The following OBSL1 variants were observed in gnomAD, a reference collection of about 807,000 sequenced individuals.
OBSL1 encodes the protein obscurin-like protein 1.
A neutral mutation model predicts 172.0 loss-of-function variants in OBSL1; 160 were observed. That is an observed-to-expected ratio of 0.93 (90% CI 0.82 to 1.06). The LOEUF (loss-of-function observed/expected upper bound fraction) is 1.06. OBSL1 is among the 50% of genes least tolerant of loss of function. OBSL1 has a pLI of 0.00. For synonymous variants in OBSL1, 1,200 were observed against 1,196.3 expected (o/e 1.00, Z -0.06); for missense variants, 2,681 against 2,715.4 (o/e 0.99, Z 0.28).
At chr2:219,553,752 G>A in intron 15 of OBSL1, 66 bp from the exon 16 acceptor site, 1 of 1,130,962 alleles carries the variant, frequency 8.8e-7, no homozygotes, top group Non-Finnish European at 1.3e-6. Context: ...CAGGGACAAG[G>A]AGGACATACA....
chr2:219,563,459 C>G lies in OBSL1; in HGVS notation c.2576G>C (p.Gly859Ala). The change falls in exon 7 of 21, where the codon GGG becomes GCG. Residue 859 changes from glycine to alanine, a missense_variant. This residue lies in a region of OBSL1 where 1,765 missense variants were observed against 1,748.3 expected (regional missense o/e 1.01). Transcript: ENST00000404537. ...ESDFVVLENE[G>A]PHRRLVLPAT... ...GGGCAGCACCAGGCGGCGATGGGGC[C>G]CCTCATTCTCCAGCACCACGAAGTC... 1.2e-6 allele frequency: 2 copies of G among 1,613,898 alleles called. No homozygotes were observed. Among genetic ancestry groups the G allele is most frequent in the Admixed American group, 1.7e-5 (1 of 60,016 alleles).
In OBSL1 at chr2:219,556,006, G is replaced by A; in HGVS notation, c.4609+14C>T. 1.9e-6 allele frequency: 3 copies of A among 1,612,816 alleles called. No homozygotes were observed. In the South Asian group the frequency reaches 3.3e-5, roughly 18 times the overall value. On this transcript the variant is annotated intron_variant, in intron 14 of 20. Transcript: ENST00000404537. Reference sequence around the variant, plus strand: ...TAGGGTGGGTAATGCATTAAGAGAGGACGGGGCACTCACGCCTCACGCTGA... The same window carrying A: ...TAGGGTGGGTAATGCATTAAGAGAGAACGGGGCACTCACGCCTCACGCTGA...
rs1057518717 is a variant in OBSL1 at position 219,557,454 on chromosome 2, G to A, written c.3955C>T (p.Gln1319Ter). ...LASQGRVQLE[Q>*]AGARQVLRVQ... ...CGCAGCACCTGCCTGGCCCCGGCCT[G>A]CTCCAGCTGCACCCGCCCCTGGCTT... is the stretch of plus-strand genomic sequence containing the variant. Residue 1319 changes from glutamine to a stop codon, truncating the protein, a stop_gained, in exon 12 of 21, where the codon CAG becomes TAG. Coordinates refer to ENST00000404537, the MANE Select transcript of OBSL1 (RefSeq NM_015311.3). LOFTEE classifies it high-confidence loss of function. 1.6e-5 allele frequency: 25 copies of A among 1,548,426 alleles called. No homozygotes were observed. The highest frequency in any genetic ancestry group is 7.3e-5 in the East Asian group (3 of 40,946).
chr2:219,547,453 C>T (rs1293479688), downstream of OBSL1: 4 of 1,379,092 alleles, frequency 2.9e-6, no homozygotes, highest in Non-Finnish European at 2.8e-6. Flanking sequence ...GACCTGCTCC[C>T]TCCAGCCTGG....
chr2:219,566,889 C>T lies in OBSL1; in HGVS notation c.2075G>A (p.Gly692Asp). The change falls in exon 5 of 21, where the codon GGT becomes GAT. Residue 692 changes from glycine to aspartate, a missense_variant. Gly to Asp is a moderately conservative substitution (Grantham distance 94). Transcript: ENST00000404537. ...GGGGCAGCTGAAGCCGACCAGGGCA[C>T]CGCTGTCCTGGTGCTTGACGGCATG... ...ILHAVKHQDS[G>D]ALVGFSCPGV... 6.2e-7 allele frequency: 1 copy of T among 1,606,986 alleles called. No homozygotes were observed. Among genetic ancestry groups the T allele is most frequent in the Middle Eastern group, 1.7e-4 (1 of 6,048 alleles).
chr2:219,551,035 C>T, intron 20 of OBSL1, 193 bp from the exon 21 acceptor site: 3 of 1,443,232 alleles, frequency 2.1e-6, no homozygotes, highest in Non-Finnish European at 2.7e-6. Context: ...CAGCGCGGCA[C>T]CTGAAGGGAA....
chr2:219,549,999 T>A, downstream of OBSL1: 1 of 1,145,762 alleles, frequency 8.7e-7, no homozygotes. Context: ...GAGGATTGTC[T>A]CAGGCGAGTC....
At chr2:219,565,573 G>C (rs762802418) in intron 5 of OBSL1, 59 bp from the exon 6 acceptor site, 167 of 1,539,234 alleles carry the variant, frequency 1.1e-4, no homozygotes, top group Middle Eastern at 8.5e-4. Context: ...CTCAGTGTCG[G>C]ATGCATCAGA....
At chr2:219,547,311 CAT>C, downstream of OBSL1, 1 of 465,870 alleles carries the variant, frequency 2.1e-6, no homozygotes, top group South Asian at 7.0e-5. Context: ...CACCAACAGC[CAT>C]ATCTCTCTAA....
intron 15 of OBSL1, 146 bp from the exon 16 acceptor site, chr2:219,553,832 A>T: frequency 2.1e-5 from 4 of 190,776 alleles, no homozygotes; most frequent in Non-Finnish European, 3.9e-5. Context: ...TCCAAGAAGG[A>T]TCTGTCAGTG....
rs756723258 is a variant in OBSL1 at position 219,557,836 on chromosome 2, G to A, written c.3777C>T (p.Thr1259=). Reference sequence around the variant, plus strand: ...GGCTGTACTCACCAGCCACCTGGACGGTGAAGCTGAGGCTTGGGGCTCCGG... The same window carrying A: ...GGCTGTACTCACCAGCCACCTGGACAGTGAAGCTGAGGCTTGGGGCTCCGG... The part of the protein sequence containing the change: ...AAPGAPSLSF[T]VQVAEPPVRV... The change falls in exon 11 of 21, where the codon ACC becomes ACT. Residue 1259 remains threonine (T), a synonymous_variant. Transcript: ENST00000404537. 2.9e-5 allele frequency: 46 copies of A among 1,598,320 alleles called. No individual in the cohort carries two copies. The highest frequency in any genetic ancestry group is 3.6e-5 in the Non-Finnish European group (43 of 1,179,180).
In OBSL1 at chr2:219,559,396, G is replaced by C. The variant is rs757363203; in HGVS notation, c.3055C>G (p.Pro1019Ala). 6.2e-7 allele frequency: 1 copy of C among 1,613,864 alleles called. No homozygotes were observed. Among genetic ancestry groups the C allele is most frequent in the South Asian group, 1.1e-5 (1 of 91,072 alleles). The part of the protein sequence containing the change: ...LMCELSREDA[P>A]VRWYKDGLEV... ...AGCCCATCCTTGTACCAGCGCACAG[G>C]GGCATCCTCCCGAGACAGTTCACAC... Residue 1019 changes from proline (P) to alanine (A), a missense_variant, in exon 9 of 21, where the codon CCT becomes GCT. Coordinates refer to ENST00000404537, the MANE Select transcript of OBSL1 (RefSeq NM_015311.3).
rs1697041686 is a variant in OBSL1 at position 219,567,982 on chromosome 2, C to G, written c.1283-13G>C. 3.1e-6 allele frequency: 5 copies of G among 1,612,090 alleles called. No homozygotes were observed. In the South Asian group the frequency reaches 4.4e-5, roughly 14 times the overall value. ...TTCAGGATGGGCCCTGAGATGCGGA[C>G]AGGAATCCATCAACCTGGAATCTGA... On this transcript the variant is annotated splice_polypyrimidine_tract_variant and intron_variant, in intron 2 of 20. Transcript: ENST00000404537.
chr2:219,548,175 A>C (rs1452467196), downstream of OBSL1: 20 of 1,200,932 alleles, frequency 1.7e-5, no homozygotes, highest in Non-Finnish European at 2.3e-5. Context: ...ACAGCAGCAG[A>C]AGGCCTCGAT....
chr2:219,562,879 C>T (rs1040631372), intron 7 of OBSL1: 16 of 626,606 alleles, frequency 2.6e-5, no homozygotes, highest in African/African-American at 1.8e-4. Flanking sequence ...CTTTCTGCTG[C>T]GCAGGAGCTG....
At chr2:219,562,057 T>A (rs555493979) in intron 8 of OBSL1, 1 of 710,394 alleles carries the variant, frequency 1.4e-6, no homozygotes, top group South Asian at 1.5e-5. Context: ...GCCCCAGGAC[T>A]ACCCGTTTGC....
In OBSL1 at chr2:219,571,441, G is replaced by C. The variant is rs529852516; in HGVS notation, c.-209C>G. ...TGCGGCGGCGGCGGCGGCGATTCCC[G>C]GGCCCGAAGCCTGGCGCTCAGGGGG... On this transcript the variant is annotated 5_prime_UTR_variant, in exon 1 of 21. Coordinates refer to ENST00000404537, the MANE Select transcript of OBSL1 (RefSeq NM_015311.3). 319 of 320,406 alleles carry C rather than the reference G, an allele frequency of 1.0e-3. 3 individuals are homozygous for C. The Admixed American group carries it at 0.015, about 15-fold the overall frequency. The allele number at this position is 320,406 out of a possible 1,614,324, so 19.8% of individuals were successfully genotyped here.
At chr2:219,553,838 CAGT>C (rs748302401) in intron 15 of OBSL1, among the ~76,000 whole-genome samples, 152 bp from the exon 16 acceptor site, 84 of 110,040 alleles carry the variant, frequency 7.6e-4, no homozygotes, top group Admixed American at 3.1e-3. Context: ...AAGGATCTGT[CAGT>C]GGTGGGGGTG....
At chr2:219,553,239 C>A (rs780453881) in intron 16 of OBSL1, among the ~76,000 whole-genome samples, 1 of 152,198 alleles carries the variant, frequency 6.6e-6, no homozygotes. Context: ...GACCTTAGGG[C>A]CGCCAAGGCA....
Sources: allele counts gnomAD v4.1 joint callset (sites outside exome capture counted in the v4.1 genomes callset), GRCh38; gene constraint gnomAD v4.1.1; regional missense constraint gnomAD v4.1.1; transcripts MANE v1.5; gene names NCBI Gene and HGNC (gene_info 2026-07-23, HGNC 2026-07-21).